The following PCNX1 variants were observed in gnomAD, a reference collection of about 807,000 sequenced individuals.
The protein encoded by PCNX1 is pecanex 1.
PCNX1 carries 78 observed loss-of-function variants against 242.2 expected under a neutral mutation model. That is an observed-to-expected ratio of 0.32 (90% CI 0.27 to 0.39). The LOEUF (loss-of-function observed/expected upper bound fraction) is 0.39, where lower values mean the gene tolerates loss of function less well. PCNX1 is among the 10% of genes least tolerant of loss of function. The probability of loss-of-function intolerance (pLI) is 1.00; values close to 1 mark genes in which losing one functional copy is unlikely to be tolerated. For synonymous variants in PCNX1, 1,024 were observed against 1,032.9 expected (o/e 0.99, Z 0.17); for missense variants, 2,581 against 2,856.5 (o/e 0.90, Z 2.20).
intron 2 of PCNX1, among the ~76,000 whole-genome samples, chr14:70,948,766 CATAT>C (rs558335873): frequency 7.0e-6 from 1 of 142,520 alleles, no homozygotes; most frequent in Non-Finnish European, 1.6e-5. Flanking sequence ...TACATATACA[CATAT>C]ATGTATAGTG....
intron 20 of PCNX1, among the ~76,000 whole-genome samples, chr14:71,045,637 A>G (rs1219062490): frequency 6.6e-6 from 1 of 152,148 alleles, no homozygotes; most frequent in East Asian, 1.9e-4. Flanking sequence ...CAGGCAATCC[A>G]ATCCTCTTTA....
chr14:71,104,922 CA>C (rs76844609), intron 32 of PCNX1, among the ~76,000 whole-genome samples: 44,107 of 142,734 alleles, frequency 0.31, 6,329 homozygotes, highest in Middle Eastern at 0.41. Context: ...GACTCCGTCT[CA>C]AAAAAAAAAA....
intron 1 of PCNX1, among the ~76,000 whole-genome samples, chr14:70,943,501 A>G (rs920253132): frequency 6.6e-6 from 1 of 152,166 alleles, no homozygotes. Context: ...GAGAGAAATG[A>G]TGTAGGATAT....
intron 20 of PCNX1, among the ~76,000 whole-genome samples, chr14:71,045,594 C>T (rs961360002): frequency 6.6e-6 from 1 of 152,132 alleles, no homozygotes; most frequent in East Asian, 1.9e-4. Flanking sequence ...CCTGACCCTA[C>T]TCTTCCCCCT....
At chr14:71,104,325 C>G (rs1447978834) in intron 32 of PCNX1, among the ~76,000 whole-genome samples, 1 of 152,054 alleles carries the variant, frequency 6.6e-6, no homozygotes, top group African/African-American at 2.4e-5. Context: ...ATTAAAGCAG[C>G]AAACTCTCAA....
At chr14:70,935,684 A>G (rs2056973645) in intron 1 of PCNX1, among the ~76,000 whole-genome samples, 2 of 152,170 alleles carry the variant, frequency 1.3e-5, no homozygotes, top group Admixed American at 1.3e-4. Context: ...AATTAATATC[A>G]ATCGTTTTTA....
At chr14:70,975,531 C>G (rs1383963795) in intron 5 of PCNX1, among the ~76,000 whole-genome samples, 1 of 151,942 alleles carries the variant, frequency 6.6e-6, no homozygotes, top group African/African-American at 2.4e-5. Context: ...TTCTTTTAAT[C>G]TTAGGGGGAA....
chr14:70,956,965 A>G (rs1402198208), intron 2 of PCNX1, among the ~76,000 whole-genome samples: 1 of 144,558 alleles, frequency 6.9e-6, no homozygotes, highest in East Asian at 2.3e-4. Context: ...GGATATAATA[A>G]GTACTGAGTA....
At chr14:70,959,643 G>C (rs1413432062) in intron 2 of PCNX1, among the ~76,000 whole-genome samples, 5 of 150,458 alleles carry the variant, frequency 3.3e-5, no homozygotes, top group Non-Finnish European at 7.4e-5. Context: ...TGGACATTTG[G>C]GTTGGTTCCA....
At chr14:70,914,751 A>G (rs2056079819) in intron 1 of PCNX1, among the ~76,000 whole-genome samples, 1 of 152,200 alleles carries the variant, frequency 6.6e-6, no homozygotes. Context: ...ATGCATGTAA[A>G]TTAAGTTACA....
chr14:71,023,741 T>C (rs536611864), intron 13 of PCNX1, among the ~76,000 whole-genome samples: 1 of 152,172 alleles, frequency 6.6e-6, no homozygotes, highest in African/African-American at 2.4e-5. Flanking sequence ...TAGCACTATT[T>C]ATTGTGAAAT....
chr14:71,090,941 G>A (rs1445147797), intron 30 of PCNX1, among the ~76,000 whole-genome samples: 2 of 152,136 alleles, frequency 1.3e-5, no homozygotes, highest in Non-Finnish European at 1.5e-5. Context: ...TATTCCTTTG[G>A]CTGTGGCATT....
chr14:71,071,597 G>A (rs1210284357), intron 26 of PCNX1, among the ~76,000 whole-genome samples: 1 of 152,140 alleles, frequency 6.6e-6, no homozygotes, highest in African/African-American at 2.4e-5. Flanking sequence ...AAATGTGCTT[G>A]CTTCTCCTTC....
intron 20 of PCNX1, 140 bp downstream of exon 20, chr14:71,045,423 G>C: frequency 1.6e-6 from 1 of 630,412 alleles, no homozygotes; most frequent in Non-Finnish European, 2.7e-6. Context: ...AGCCGTTAAT[G>C]AATCTAGTCT....
intron 28 of PCNX1, among the ~76,000 whole-genome samples, chr14:71,085,137 C>T (rs1253157520): frequency 6.6e-6 from 1 of 152,208 alleles, no homozygotes; most frequent in Non-Finnish European, 1.5e-5. Flanking sequence ...GAGGCAACGC[C>T]CCACCCTGCT....
intron 1 of PCNX1, among the ~76,000 whole-genome samples, chr14:70,929,252 C>A (rs2056701204): frequency 1.3e-5 from 2 of 151,320 alleles, no homozygotes; most frequent in Admixed American, 6.6e-5. Context: ...TTTTTTTTCC[C>A]CTCTTACCGT....
chr14:71,074,944 T>G, intron 27 of PCNX1, among the ~76,000 whole-genome samples: 1 of 151,984 alleles, frequency 6.6e-6, no homozygotes, highest in Non-Finnish European at 1.5e-5. Context: ...TGCTAAGCTT[T>G]AATAACCAAC....
chr14:70,978,571 C>G lies in PCNX1; in HGVS notation c.2234C>G (p.Thr745Arg), dbSNP rs139560532. The G allele has an allele frequency of 6.2e-7, 1 of 1,614,070 alleles. No homozygotes were observed. The highest frequency in any genetic ancestry group is 8.5e-7 in the Non-Finnish European group (1 of 1,179,942). Residue 745 changes from threonine (T) to arginine (R), a missense_variant, in exon 6 of 36, where the codon ACA (threonine) becomes AGA (arginine). Around this residue, in one of 9 missense-constraint regions of PCNX1, gnomAD observed 1,204 missense variants for 1,216.7 expected, o/e 0.99. Transcript: ENST00000304743. Reference sequence around the variant, plus strand: ...TTAGGACGGGCTTCCCAGTTAGAGACAGTCACTCGATCTAGGAATAGCTTG... The same window carrying G: ...TTAGGACGGGCTTCCCAGTTAGAGAGAGTCACTCGATCTAGGAATAGCTTG... ...SLLGRASQLE[T>R]VTRSRNSLPN...
chr14:70,924,608 C>T (rs1483653782), intron 1 of PCNX1, among the ~76,000 whole-genome samples: 1 of 151,962 alleles, frequency 6.6e-6, no homozygotes, highest in African/African-American at 2.4e-5. Context: ...TTATTTTTGA[C>T]ACTGGGTCTA....
Sources: allele counts gnomAD v4.1 joint callset (sites outside exome capture counted in the v4.1 genomes callset), GRCh38; gene constraint gnomAD v4.1.1; regional missense constraint gnomAD v4.1.1; transcripts MANE v1.5; gene names NCBI Gene and HGNC (gene_info 2026-07-23, HGNC 2026-07-21).